Variants in RALY observed in about 807,000 individuals in gnomAD.
The protein encoded by RALY is RNA-binding protein Raly.
Under a neutral mutation model 30.7 loss-of-function variants are expected in RALY, and 15 were observed. That is an observed-to-expected ratio of 0.49 (90% confidence interval 0.33 to 0.75). RALY has a LOEUF of 0.75. Ranked by LOEUF, RALY falls within the 30% of genes least tolerant of loss-of-function variation. The pLI, the probability that RALY is intolerant of heterozygous loss-of-function variation, is 0.02. For synonymous variants in RALY, 177 were observed against 170.8 expected, an observed-to-expected ratio of 1.04 and a Z score of -0.28; for missense variants, 339 against 414.3, an observed-to-expected ratio of 0.82 and a Z score of 1.58.
chr20:34,072,819 T>C (rs2033765404), intron 3 of RALY, among the ~76,000 whole-genome samples: 1 of 152,212 alleles, frequency 6.6e-6, no homozygotes, highest in African/African-American at 2.4e-5. Flanking sequence ...CCTGTGTATA[T>C]GTGTATGTTT....
chr20:34,057,001 G>A lies in RALY; in HGVS notation c.-9-15065G>A, dbSNP rs558894595. Among the ~76,000 whole-genome samples, 4 of 152,168 alleles carry A rather than the reference G, an allele frequency of 2.6e-5. No individual in the cohort carries two copies. In the South Asian group the frequency reaches 8.3e-4, roughly 32 times the overall value. On this transcript the variant is annotated intron_variant, in intron 2 of 9. Transcript: ENST00000246194. Reference sequence around the variant, plus strand: ...TATTGTTTATAATAGTGAGAAATTGGAAAAAGCCTAAAAGACCACCAATCT... The same window carrying A: ...TATTGTTTATAATAGTGAGAAATTGAAAAAAGCCTAAAAGACCACCAATCT...
chr20:34,036,157 C>G (rs971616289), intron 2 of RALY, among the ~76,000 whole-genome samples: 2 of 152,040 alleles, frequency 1.3e-5, no homozygotes, highest in African/African-American at 4.8e-5. Flanking sequence ...AAAAAATTCC[C>G]CTGCCTAATT....
At chr20:34,057,574 G>A (rs1333034756) in intron 2 of RALY, among the ~76,000 whole-genome samples, 1 of 151,330 alleles carries the variant, frequency 6.6e-6, no homozygotes, top group African/African-American at 2.4e-5. Flanking sequence ...GGCTGAGGCA[G>A]GAGAATGGCA....
chr20:34,079,875 C>A (rs1329361322), intron 9 of RALY, 35 bp from the exon 10 acceptor site: 1 of 152,468 alleles, frequency 6.6e-6, no homozygotes, highest in Non-Finnish European at 1.5e-5. Context: ...TTCCTCTCAG[C>A]CTTAGTCTCT....
At chr20:34,034,207 A>G (rs1196142820) in intron 2 of RALY, among the ~76,000 whole-genome samples, 1 of 152,126 alleles carries the variant, frequency 6.6e-6, no homozygotes, top group African/African-American at 2.4e-5. Flanking sequence ...GTAGCCTCAC[A>G]TTTTATGGAG....
intron 1 of RALY, among the ~76,000 whole-genome samples, chr20:34,025,899 GTTTTTTTTTTT>G (rs35827160): frequency 1.3e-5 from 1 of 75,918 alleles, no homozygotes; most frequent in Non-Finnish European, 2.4e-5. Context: ...ATTCCTGGTT[GTTTTTTTTTTT>G]TTTTTTTTTT....
intron 1 of RALY, among the ~76,000 whole-genome samples, chr20:34,012,867 A>T (rs915372338): frequency 6.6e-6 from 1 of 152,174 alleles, no homozygotes; most frequent in Non-Finnish European, 1.5e-5. Context: ...GGTTCCCTGG[A>T]TGTGCCAGGC....
intron 5 of RALY, among the ~76,000 whole-genome samples, chr20:34,075,363 C>T (rs532120524): frequency 7.9e-5 from 12 of 151,994 alleles, no homozygotes; most frequent in Non-Finnish European, 1.8e-4. Flanking sequence ...TCATGCTGTG[C>T]CCTTGGGTGG....
intron 1 of RALY, among the ~76,000 whole-genome samples, chr20:34,004,422 C>G (rs917996774): frequency 3.9e-5 from 6 of 152,228 alleles, no homozygotes; most frequent in East Asian, 1.9e-4. Flanking sequence ...TCCCTTCCCC[C>G]CTTTTCCAGA....
intron 2 of RALY, among the ~76,000 whole-genome samples, chr20:34,065,602 A>G (rs781103138): frequency 1.3e-5 from 2 of 152,192 alleles, no homozygotes; most frequent in Admixed American, 6.5e-5. Context: ...TAATGAGATT[A>G]ATAGATGTTC....
At position 34,083,808 on chromosome 20, in the gene RALY, G is replaced by A. The variant is rs1473453242; in HGVS notation, c.*3903G>A. ...CCTGTCTGACAAGACCACAGAAATAGAGAAGGCAAAGCAGAGCAAAAGATT... is the reference window on the plus strand; with the variant it reads ...CCTGTCTGACAAGACCACAGAAATAAAGAAGGCAAAGCAGAGCAAAAGATT... On this transcript the variant is annotated 3_prime_UTR_variant, in exon 10 of 10. Transcript: ENST00000246194. 3 of 152,248 alleles carry A rather than the reference G, an allele frequency of 2.0e-5. No individual in the cohort carries two copies. Among genetic ancestry groups the A allele is most frequent in the Non-Finnish European group, 4.4e-5 (3 of 68,054 alleles). 9.4% of individuals were successfully genotyped at this position (152,248 alleles called of 1,614,324 possible).
intron 1 of RALY, among the ~76,000 whole-genome samples, chr20:34,005,157 G>C (rs1402838648): frequency 6.6e-6 from 1 of 152,110 alleles, no homozygotes; most frequent in Non-Finnish European, 1.5e-5. Context: ...ATGCCACTAG[G>C]GACATTCACT....
chr20:34,038,536 T>TC (rs1037439822), intron 2 of RALY, among the ~76,000 whole-genome samples: 1 of 152,214 alleles, frequency 6.6e-6, no homozygotes, highest in African/African-American at 2.4e-5. Flanking sequence ...GTCTCCACTA[T>TC]CCATCCTTCC....
At chr20:34,005,368 G>A (rs1048258388) in intron 1 of RALY, among the ~76,000 whole-genome samples, 1 of 152,104 alleles carries the variant, frequency 6.6e-6, no homozygotes, top group Admixed American at 6.5e-5. Flanking sequence ...AATTAGCTGG[G>A]CGTGGTGGCG....
chr20:34,072,233 G>T lies in RALY; in HGVS notation c.159G>T (p.Val53=). The change falls in exon 3 of 10, where the codon GTG becomes GTT. Residue 53 remains valine, a synonymous_variant. Transcript: ENST00000246194. ...ATGGCCGTGTGGCCGGCTGTTCTGT[G>T]CACAAGGGCTATGCCTTTGTTCAGT... ...SKYGRVAGCS[V]HKGYAFVQYS... The T allele has an allele frequency of 6.2e-7, 1 of 1,614,244 alleles. No homozygotes were observed. The highest frequency in any genetic ancestry group is 8.5e-7 in the Non-Finnish European group (1 of 1,180,046).
chr20:34,081,140 G>A lies in RALY; in HGVS notation c.*1235G>A, dbSNP rs2034023782. The stretch of plus-strand genomic sequence containing the variant: ...TTTCCCCATGTTCAAGTTCCCAAGA[G>A]AGAATCGACTGCCACTGTAATTTTT... On this transcript the variant is annotated 3_prime_UTR_variant, in exon 10 of 10. Transcript: ENST00000246194. 6.6e-6 allele frequency: 1 copy of A among 152,150 alleles called. No homozygotes were observed. The highest frequency in any genetic ancestry group is 2.4e-5 in the African/African-American group (1 of 41,410). 9.4% of individuals were successfully genotyped at this position (152,150 alleles called of 1,614,324 possible).
chr20:34,041,516 G>T (rs6088387), intron 2 of RALY, among the ~76,000 whole-genome samples: 13,156 of 152,214 alleles, frequency 0.086, 643 homozygotes, highest in African/African-American at 0.13. Flanking sequence ...GGCGTACCCA[G>T]TCTCCACTTG....
At chr20:34,077,530 C>T (rs1409577111) in intron 8 of RALY, 3 of 559,984 alleles carry the variant, frequency 5.4e-6, no homozygotes, top group Non-Finnish European at 6.2e-6. Flanking sequence ...GAGATTCGGA[C>T]ATAAGGGAGC....
intron 2 of RALY, among the ~76,000 whole-genome samples, chr20:34,055,745 A>C (rs993956465): frequency 6.6e-6 from 1 of 152,214 alleles, no homozygotes; most frequent in African/African-American, 2.4e-5. Flanking sequence ...TATTATATTG[A>C]TTGTTAAAAT....
Sources: gnomAD v4.1 joint callset for allele counts (sites outside exome capture counted in the v4.1 genomes callset) on GRCh38, gnomAD v4.1.1 for gene constraint, MANE v1.5 for transcripts, NCBI Gene and HGNC (gene_info 2026-07-23, HGNC 2026-07-21) for gene names.